Variants in MEIS1 observed in about 807,000 individuals in gnomAD.
MEIS1 encodes the protein Meis homeobox 1.
A neutral mutation model predicts 50.8 loss-of-function variants in MEIS1; 5 were observed. That is an observed-to-expected ratio of 0.10 (90% CI 0.05 to 0.21). MEIS1 has a LOEUF of 0.21. Among genes scored for constraint, MEIS1 ranks in the 10% least tolerant of loss-of-function variants. The pLI is 1.00. For synonymous variants in MEIS1, 176 were observed against 179.3 expected, an observed-to-expected ratio of 0.98 and a Z score of 0.15; for missense variants, 318 against 517.3, an observed-to-expected ratio of 0.61 and a Z score of 3.74.
chr2:66,572,455 T>A lies in MEIS1; in HGVS notation c.*1247T>A, dbSNP rs1457601698. On this transcript the variant is annotated 3_prime_UTR_variant, in exon 13 of 13. Transcript: ENST00000272369. ...TTTTGTGCAAAAAGGACTGGAAAAA[T>A]GAACTGTATTATTGCAATTTTTTTT... 1 of 152,160 alleles carries A rather than the reference T, an allele frequency of 6.6e-6. No homozygotes were observed. Among genetic ancestry groups the A allele is most frequent in the African/African-American group, 2.4e-5 (1 of 41,452 alleles). 9.4% of individuals were successfully genotyped at this position (152,160 alleles called of 1,614,324 possible). A position where few individuals can be genotyped will look rare whatever the true frequency, so the allele number is the denominator to read the frequency against.
intron 9 of MEIS1, chr2:66,562,072 C>CTTTTTTTTTTTTTTTTTTTTTTT (rs749406692): frequency 3.1e-3 from 194 of 62,070 alleles, no homozygotes; most frequent in East Asian, 9.0e-3. Context: ...TTTTTTTTTA[C>CTTTTTTTTTTTTTTTTTTTTTTT]TTTTATCAGT....
At chr2:66,531,612 C>T (rs149539173) in intron 8 of MEIS1, among the ~76,000 whole-genome samples, 39 of 152,302 alleles carry the variant, frequency 2.6e-4, no homozygotes, top group African/African-American at 7.9e-4. Context: ...GCCACGTACA[C>T]GGTTACACAA....
chr2:66,566,905 G>A (rs1675363282), intron 9 of MEIS1, among the ~76,000 whole-genome samples: 1 of 151,946 alleles, frequency 6.6e-6, no homozygotes, highest in African/African-American at 2.4e-5. Flanking sequence ...GTGAGTTAGT[G>A]GTGATAAACT....
chr2:66,453,466 C>T (rs761905807), intron 6 of MEIS1, among the ~76,000 whole-genome samples: 6 of 151,926 alleles, frequency 3.9e-5, no homozygotes, highest in South Asian at 2.1e-4. Context: ...AAAACTTGAC[C>T]GTTGTAGGAA....
intron 8 of MEIS1, among the ~76,000 whole-genome samples, chr2:66,543,221 A>C (rs1024851846): frequency 3.9e-5 from 6 of 151,964 alleles, no homozygotes; most frequent in Non-Finnish European, 7.4e-5. Context: ...TCCTTTAACT[A>C]TTTCTTTTAT....
rs776470607 is a variant in MEIS1, at chr2:66,555,254, T to TTCTCTCTCTC, written c.965+7252_965+7261dup. 4.4e-3 allele frequency among the ~76,000 whole-genome samples: 157 copies of TTCTCTCTCTC among 35,484 alleles called. 1 individual carries two copies. The highest frequency in any genetic ancestry group is 8.1e-3 in the Non-Finnish European group (133 of 16,404). The allele number at this position is 35,484 out of a possible 152,430, so 23.3% of individuals were successfully genotyped here. ...TTTGAATTGTGGTTGTGTGTACGTGTTCTCTCTCTCTCTCTCTCTCTCTCT... is the reference window on the plus strand; with the variant it reads ...TTTGAATTGTGGTTGTGTGTACGTGTTCTCTCTCTCTCTCTCTCTCTCTCTCTCTCTCTCT... On this transcript the variant is annotated intron_variant, in intron 9 of 12. Coordinates refer to ENST00000272369, the MANE Select transcript of MEIS1 (RefSeq NM_002398.3).
chr2:66,505,049 A>T (rs1481169778), intron 7 of MEIS1, among the ~76,000 whole-genome samples: 1 of 152,194 alleles, frequency 6.6e-6, no homozygotes, highest in African/African-American at 2.4e-5. Context: ...ACCTATTTGT[A>T]TATTGGCTGC....
rs567774861 is a variant in MEIS1 at position 66,571,361 on chromosome 2, T to A, written c.*153T>A. On this transcript the variant is annotated 3_prime_UTR_variant, in exon 13 of 13. Coordinates refer to ENST00000272369, the MANE Select transcript of MEIS1 (RefSeq NM_002398.3). Reference sequence around the variant, plus strand: ...CCCCCCATCCTGCTCAGCTGCGTCATGGGCCCCCCATGCATACGTACATTC... The same window carrying A: ...CCCCCCATCCTGCTCAGCTGCGTCAAGGGCCCCCCATGCATACGTACATTC... 8.6e-5 allele frequency: 138 copies of A among 1,602,156 alleles called. No individual in the cohort carries two copies. The highest frequency in any genetic ancestry group is 6.6e-4 in the Middle Eastern group (4 of 6,048).
At position 66,513,098 on chromosome 2, in the gene MEIS1, A is replaced by G. The variant is rs1487671326; in HGVS notation, c.888+804A>G. 3.3e-5 allele frequency among the ~76,000 whole-genome samples: 5 copies of G among 152,176 alleles called. No individual in the cohort carries two copies. In the East Asian group the frequency reaches 9.6e-4, roughly 29 times the overall value. ...TGGATATTTTTGTAAGTGCATACCA[A>G]TTTAAAGAAGAAGATACAATGAAGA... On this transcript the variant is annotated intron_variant, in intron 8 of 12. Coordinates refer to ENST00000272369, the MANE Select transcript of MEIS1 (RefSeq NM_002398.3).
rs556041733 is a variant in MEIS1, at chr2:66,466,995, G to C, written c.742+2775G>C. 4.1e-5 allele frequency among the ~76,000 whole-genome samples: 6 copies of C among 147,894 alleles called. No individual in the cohort carries two copies. The South Asian group carries it at 1.3e-3, about 32-fold the overall frequency. The stretch of plus-strand genomic sequence containing the variant: ...AAAGGAAAGAAAAGAAAACAAAAAA[G>C]AAATCCCCTAGGCTTTAGCCCTCTG... On this transcript the variant is annotated intron_variant, in intron 7 of 12. Transcript: ENST00000272369.
At chr2:66,524,480 G>A (rs1674200727) in intron 8 of MEIS1, among the ~76,000 whole-genome samples, 1 of 152,024 alleles carries the variant, frequency 6.6e-6, no homozygotes, top group African/African-American at 2.4e-5. Flanking sequence ...GATCACTTGA[G>A]CCCAGGTGTG....
chr2:66,495,080 C>CT (rs70943701), intron 7 of MEIS1, among the ~76,000 whole-genome samples: 7,416 of 91,036 alleles, frequency 0.081, 436 homozygotes, highest in South Asian at 0.16. Flanking sequence ...CTCTTCTGAC[C>CT]TTTTTTTTTT....
At position 66,457,161 on chromosome 2, in the gene MEIS1, A is replaced by AT. The variant is rs5831810; in HGVS notation, c.631-6930dup. Among the ~76,000 whole-genome samples, 370 of 140,098 alleles carry AT rather than the reference A, an allele frequency of 2.6e-3. 2 individuals carry two copies. The highest frequency in any genetic ancestry group is 0.014 in the East Asian group (65 of 4,796). 91.9% of individuals were successfully genotyped at this position (140,098 alleles called of 152,430 possible). ...GAATTTTGCTTAGTGATTTCTAGGG[A>AT]TTTTTTTTTTTTTTTTTTAGAAATC... On this transcript the variant is annotated intron_variant, in intron 6 of 12. Transcript: ENST00000272369.
At chr2:66,484,014 G>T (rs1673080075) in intron 7 of MEIS1, among the ~76,000 whole-genome samples, 1 of 152,140 alleles carries the variant, frequency 6.6e-6, no homozygotes, top group Admixed American at 6.5e-5. Context: ...TAAATCTTAA[G>T]ATATGGAAAG....
intron 9 of MEIS1, among the ~76,000 whole-genome samples, chr2:66,564,979 C>T (rs909360977): frequency 6.6e-6 from 1 of 151,932 alleles, no homozygotes; most frequent in African/African-American, 2.4e-5. Context: ...CTTCTAACAG[C>T]CTTGTTTATA....
chr2:66,571,758 T>G lies in MEIS1; in HGVS notation c.*550T>G. On this transcript the variant is annotated 3_prime_UTR_variant, in exon 13 of 13. Transcript: ENST00000272369. The stretch of plus-strand genomic sequence containing the variant: ...AAAGAGTGAAATATTGTAAATGCTA[T>G]TATACTGTTATCCATATTACGTTGT... The G allele has an allele frequency of 7.4e-6, 4 of 541,320 alleles. No individual in the cohort carries two copies. The highest frequency in any genetic ancestry group is 1.3e-5 in the Non-Finnish European group (4 of 310,006). The allele number at this position is 541,320 out of a possible 1,614,324, so 33.5% of individuals were successfully genotyped here.
At chr2:66,490,757 A>G (rs1673252346) in intron 7 of MEIS1, among the ~76,000 whole-genome samples, 1 of 152,158 alleles carries the variant, frequency 6.6e-6, no homozygotes, top group Admixed American at 6.6e-5. Flanking sequence ...GGAGATGGCA[A>G]AGCTTCCATT....
chr2:66,562,332 C>G (rs1675240004), intron 9 of MEIS1, among the ~76,000 whole-genome samples: 1 of 150,416 alleles, frequency 6.6e-6, no homozygotes. Context: ...AGATCTTGCT[C>G]AGAAAACTAT....
chr2:66,466,135 T>C (rs1672629383), intron 7 of MEIS1, among the ~76,000 whole-genome samples: 1 of 152,220 alleles, frequency 6.6e-6, no homozygotes, highest in Admixed American at 6.5e-5. Flanking sequence ...CTATCCCCAC[T>C]TGACAGAGGA....
Sources: gnomAD v4.1 joint callset for allele counts (sites outside exome capture counted in the v4.1 genomes callset) on GRCh38, gnomAD v4.1.1 for gene constraint, MANE v1.5 for transcripts, NCBI Gene and HGNC (gene_info 2026-07-23, HGNC 2026-07-21) for gene names.